The following DIS3L2 variants were observed in gnomAD, a reference collection of about 807,000 sequenced individuals.
DIS3L2 encodes DIS3 like 3'-5' exoribonuclease 2.
DIS3L2 carries 34 observed loss-of-function variants against 97.5 expected under a neutral mutation model. That is an observed-to-expected ratio of 0.35 (90% CI 0.27 to 0.46). The LOEUF (loss-of-function observed/expected upper bound fraction) is 0.46. Among genes scored for constraint, DIS3L2 ranks in the 20% least tolerant of loss-of-function variants. DIS3L2 has a pLI of 1.00. For synonymous variants in DIS3L2, 435 were observed against 445.2 expected, an observed-to-expected ratio of 0.98 and a Z score of 0.29; for missense variants, 1,038 against 1,146.0, an observed-to-expected ratio of 0.91 and a Z score of 1.36.
intron 9 of DIS3L2, among the ~76,000 whole-genome samples, chr2:232,191,130 T>C (rs946710996): frequency 2.0e-5 from 3 of 152,138 alleles, no homozygotes; most frequent in Non-Finnish European, 4.4e-5. Flanking sequence ...TAAACATCTC[T>C]TTTAAGGAGG....
chr2:232,098,211 G>A (rs1697083822), intron 6 of DIS3L2, among the ~76,000 whole-genome samples: 1 of 152,146 alleles, frequency 6.6e-6, no homozygotes, highest in Admixed American at 6.5e-5. Context: ...AGAGGACAAA[G>A]CAAGGCGGAG....
At chr2:232,162,729 T>C (rs1269032839) in intron 8 of DIS3L2, among the ~76,000 whole-genome samples, 2 of 152,218 alleles carry the variant, frequency 1.3e-5, no homozygotes, top group East Asian at 3.9e-4. Context: ...GTTGGCTGCC[T>C]GTATTCAACG....
At chr2:232,329,720 T>C (rs1197086674) in intron 14 of DIS3L2, 93 bp from the exon 15 acceptor site, 10 of 1,279,882 alleles carry the variant, frequency 7.8e-6, no homozygotes, top group African/African-American at 6.1e-5. Context: ...TGAAGGGTGA[T>C]TGATAGAGAG....
At chr2:232,081,648 T>G (rs1045490962) in intron 5 of DIS3L2, among the ~76,000 whole-genome samples, 9 of 152,224 alleles carry the variant, frequency 5.9e-5, no homozygotes, top group African/African-American at 2.2e-4. Flanking sequence ...TTTATGATAC[T>G]TCCTGTGTCC....
At chr2:232,081,604 C>T (rs925598435) in intron 5 of DIS3L2, among the ~76,000 whole-genome samples, 3 of 152,018 alleles carry the variant, frequency 2.0e-5, no homozygotes, top group Admixed American at 6.5e-5. Flanking sequence ...AGAATAAATG[C>T]GTAGAATTCT....
At chr2:232,171,852 C>G (rs1690999870) in intron 9 of DIS3L2, among the ~76,000 whole-genome samples, 1 of 152,132 alleles carries the variant, frequency 6.6e-6, no homozygotes, top group East Asian at 1.9e-4. Flanking sequence ...TGATAAATAG[C>G]ACCACTCTCA....
At chr2:232,012,616 A>T (rs1694238430) in intron 1 of DIS3L2, among the ~76,000 whole-genome samples, 2 of 151,248 alleles carry the variant, frequency 1.3e-5, no homozygotes, top group South Asian at 4.2e-4. Flanking sequence ...CTCACTTGGG[A>T]GCTCTTTTCT....
chr2:232,052,895 G>A (rs1173017803), intron 5 of DIS3L2, among the ~76,000 whole-genome samples: 5 of 152,226 alleles, frequency 3.3e-5, no homozygotes, highest in African/African-American at 1.2e-4. Context: ...GGTGGTATTT[G>A]CATGACCTAC....
intron 5 of DIS3L2, among the ~76,000 whole-genome samples, chr2:232,062,367 C>T (rs1695736587): frequency 6.6e-6 from 1 of 152,150 alleles, no homozygotes; most frequent in Non-Finnish European, 1.5e-5. Flanking sequence ...TGTTTGAATT[C>T]ACAGTTCCTG....
chr2:232,295,220 C>G (rs1444673368), intron 13 of DIS3L2, among the ~76,000 whole-genome samples: 1 of 152,202 alleles, frequency 6.6e-6, no homozygotes, highest in African/African-American at 2.4e-5. Context: ...CCCAGGTCAA[C>G]TGTTTTTCCT....
intron 9 of DIS3L2, 136 bp from the exon 10 acceptor site, chr2:232,210,190 A>G: frequency 1.6e-6 from 1 of 619,882 alleles, no homozygotes; most frequent in Non-Finnish European, 2.9e-6. Context: ...TAAAGATCTC[A>G]TTCTCGTAGA....
intron 5 of DIS3L2, among the ~76,000 whole-genome samples, chr2:232,038,707 A>T (rs933113878): frequency 1.3e-5 from 2 of 152,172 alleles, no homozygotes; most frequent in African/African-American, 2.4e-5. Context: ...GTCTAAGACG[A>T]TGGGGTAGAT....
Position 232,111,548 on chromosome 2 carries a change from A to G in DIS3L2, c.602-19071A>G, listed in dbSNP as rs1407328972. On this transcript the variant is annotated intron_variant, in intron 6 of 20. Transcript: ENST00000325385. ...AGTAGAACTTTCTGTAGCAATGGAA[A>G]TGTTCTAATCTATACTGTTCAGTAC... Among the ~76,000 whole-genome samples the G allele has an allele frequency of 2.6e-5, 4 of 152,178 alleles. No individual in the cohort carries two copies. The East Asian group carries it at 7.7e-4, about 29-fold the overall frequency.
At chr2:232,134,810 T>C (rs1212738017) in intron 7 of DIS3L2, among the ~76,000 whole-genome samples, 8 of 151,332 alleles carry the variant, frequency 5.3e-5, no homozygotes, top group Admixed American at 3.3e-4. Flanking sequence ...TCAGCCTGGG[T>C]GACAGAGCAA....
chr2:232,050,319 T>C (rs958471354), intron 5 of DIS3L2, among the ~76,000 whole-genome samples: 28 of 152,232 alleles, frequency 1.8e-4, no homozygotes, highest in Non-Finnish European at 5.9e-5. Context: ...TCGCCCAGGC[T>C]GTAGTGCAAT....
At chr2:232,034,976 A>G (rs1026721360) in intron 5 of DIS3L2, among the ~76,000 whole-genome samples, 21 of 152,212 alleles carry the variant, frequency 1.4e-4, no homozygotes, top group African/African-American at 3.9e-4. Flanking sequence ...GTAAATGACT[A>G]TTAGGTCCTC....
rs1457503269 is a variant in DIS3L2 at position 232,283,839 on chromosome 2, G to C, written c.1660-16201G>C. On this transcript the variant is annotated intron_variant, in intron 13 of 20. Transcript: ENST00000325385. The stretch of plus-strand genomic sequence containing the variant: ...GAGCTGTGTAAGGATGGGACAGTCT[G>C]TATGTAGATTGCCATGGCAGTTACA... Among the ~76,000 whole-genome samples the C allele has an allele frequency of 1.3e-5, 2 of 152,152 alleles. 1 individual carries two copies. Among genetic ancestry groups the C allele is most frequent in the South Asian group, 4.1e-4 (2 of 4,824 alleles).
At chr2:232,184,846 A>G (rs1025933328) in intron 9 of DIS3L2, among the ~76,000 whole-genome samples, 6 of 152,206 alleles carry the variant, frequency 3.9e-5, no homozygotes, top group African/African-American at 7.2e-5. Context: ...TTCTGCTTTC[A>G]GCCCTTCATC....
rs376220236 is a variant in DIS3L2 at position 232,126,301 on chromosome 2, C to T, written c.602-4318C>T. ...GGCCTGTATGTTAGAAAGTATATTC[C>T]GTAGAGAATAGCATTAAATCCTAAA... On this transcript the variant is annotated intron_variant, in intron 6 of 20. Coordinates refer to ENST00000325385, the MANE Select transcript of DIS3L2 (RefSeq NM_152383.5). 2.0e-5 allele frequency among the ~76,000 whole-genome samples: 3 copies of T among 152,254 alleles called. No individual in the cohort carries two copies. In the East Asian group the frequency reaches 5.8e-4, roughly 29 times the overall value.
Sources: allele counts gnomAD v4.1 joint callset (sites outside exome capture counted in the v4.1 genomes callset), GRCh38; gene constraint gnomAD v4.1.1; transcripts MANE v1.5; gene names NCBI Gene and HGNC (gene_info 2026-07-23, HGNC 2026-07-21).